EIF3C: variants seen among roughly 807,000 people sequenced by gnomAD.
EIF3C encodes cell migration-inducing protein 17.
Under a neutral mutation model 11.1 loss-of-function variants are expected in EIF3C, and 2 were observed. The observed-to-expected ratio is 0.18, with a 90% CI of 0.07 to 0.57. EIF3C has a LOEUF of 0.57. EIF3C is among the 20% of genes least tolerant of loss of function. EIF3C has a pLI of 0.92. For synonymous variants in EIF3C, 2 were observed against 41.5 expected (o/e 0.05, Z 3.66); for missense variants, 16 against 114.6 (o/e 0.14, Z 3.93).
intron 15 of EIF3C, among the ~76,000 whole-genome samples, chr16:28,729,862 A>G (rs1302966592): frequency 1.3e-5 from 2 of 150,238 alleles, no homozygotes; most frequent in African/African-American, 4.9e-5. Context: ...CAGGAGGCTG[A>G]GGTAGGAGGA....
intron 15 of EIF3C, chr16:28,727,529 CA>C (rs1374557048): frequency 5.1e-4 from 26 of 50,574 alleles, no homozygotes; most frequent in Admixed American, 9.6e-4. Flanking sequence ...CAAGACTGTT[CA>C]AAAAAAAAAA....
At position 28,689,507 on chromosome 16, in the gene EIF3C, T is replaced by TG. The variant is rs1406252024; in HGVS notation, c.-31+680dup. ...TGTGGCATCGAGTTAATCAGACTGTTGCCTACAGCTTGTCTTTATAAAGTA... is the reference window on the plus strand; with the variant it reads ...TGTGGCATCGAGTTAATCAGACTGTTGGCCTACAGCTTGTCTTTATAAAGTA... On this transcript the variant is annotated intron_variant, in intron 1 of 20. Coordinates refer to the EIF3C transcript ENST00000566501. 4.4e-5 allele frequency among the ~76,000 whole-genome samples: 2 copies of TG among 45,922 alleles called. 1 individual carries two copies. The highest frequency in any genetic ancestry group is 3.5e-4 in the African/African-American group (2 of 5,784). The allele number at this position is 45,922 out of a possible 152,430, so 30.1% of individuals were successfully genotyped here.
Position 28,689,438 on chromosome 16 carries a change from G to A in EIF3C, c.-31+610G>A, listed in dbSNP as rs2048211171. On this transcript the variant is annotated intron_variant, in intron 1 of 20. Coordinates refer to the EIF3C transcript ENST00000566501. ...GCCCTTGGGTTTGAGCTTTGTCTGAGCTCCAAGGGAATGGGAACTGGACGT... is the reference window on the plus strand; with the variant it reads ...GCCCTTGGGTTTGAGCTTTGTCTGAACTCCAAGGGAATGGGAACTGGACGT... 4.0e-5 allele frequency among the ~76,000 whole-genome samples: 2 copies of A among 49,584 alleles called. 1 individual carries two copies. The highest frequency in any genetic ancestry group is 7.2e-5 in the Non-Finnish European group (2 of 27,904). 32.5% of individuals were successfully genotyped at this position (49,584 alleles called of 152,430 possible). A position where few individuals can be genotyped will look rare whatever the true frequency, so the allele number is the denominator to read the frequency against.
intron 1 of EIF3C, among the ~76,000 whole-genome samples, chr16:28,694,365 A>AT (rs2048231816): frequency 1.9e-5 from 1 of 54,016 alleles, no homozygotes; most frequent in African/African-American, 8.2e-5. Context: ...CATCTCAAAA[A>AT]GAAAAAAAGA....
At chr16:28,692,147 AT>A (rs1315043116) in intron 1 of EIF3C, among the ~76,000 whole-genome samples, 2 of 24,212 alleles carry the variant, frequency 8.3e-5, no homozygotes, top group Non-Finnish European at 1.4e-4. Flanking sequence ...CTGAGATTGA[AT>A]TTTTTTTTCT....
chr16:28,689,162 G>C (rs1299323289), intron 1 of EIF3C, among the ~76,000 whole-genome samples: 1 of 43,818 alleles, frequency 2.3e-5, no homozygotes, highest in Non-Finnish European at 3.9e-5. Context: ...GCCTGCCTCA[G>C]CCTCCCAAAG....
chr16:28,698,244 C>T (rs540139058), intron 1 of EIF3C, among the ~76,000 whole-genome samples: 3,238 of 114,052 alleles, frequency 0.028, 127 homozygotes, highest in African/African-American at 0.13. Flanking sequence ...GGCGGCTGGC[C>T]GGGTGGGGGG....
intron 1 of EIF3C, among the ~76,000 whole-genome samples, chr16:28,698,270 T>C: frequency 8.9e-6 from 1 of 112,836 alleles, no homozygotes; most frequent in Non-Finnish European, 1.9e-5. Context: ...CCCCCCCATC[T>C]CCCTCCCGGA....
At chr16:28,718,614 G>GT (rs576228155) in intron 8 of EIF3C, among the ~76,000 whole-genome samples, 8,109 of 45,332 alleles carry the variant, frequency 0.18, 415 homozygotes, top group Non-Finnish European at 0.21. Context: ...CTTGTTTAAA[G>GT]TTTTTTTTTT....
intron 1 of EIF3C, among the ~76,000 whole-genome samples, chr16:28,699,476 CGGAGACG>C (rs2048268248): frequency 1.2e-5 from 1 of 86,594 alleles, no homozygotes; most frequent in Non-Finnish European, 2.1e-5. Context: ...GAGACGGAGA[CGGAGACG>C]GAGAGGGAGA....
chr16:28,712,747 C>G (rs536615672), intron 2 of EIF3C, among the ~76,000 whole-genome samples: 89 of 150,088 alleles, frequency 5.9e-4, no homozygotes, highest in African/African-American at 2.1e-3. Flanking sequence ...GTGGCTCAAG[C>G]CGGTAATCCC....
intron 1 of EIF3C, among the ~76,000 whole-genome samples, chr16:28,698,619 A>T (rs540885290): frequency 9.7e-3 from 306 of 31,432 alleles, no homozygotes; most frequent in East Asian, 0.02. Context: ...GGGCGGAGAC[A>T]CTCCTCACTT....
At chr16:28,697,685 G>A (rs1171022314) in intron 1 of EIF3C, among the ~76,000 whole-genome samples, 2 of 84,782 alleles carry the variant, frequency 2.4e-5, no homozygotes, top group Non-Finnish European at 4.1e-5. Context: ...ATCCTGGCCC[G>A]TTCTCAATGA....
chr16:28,729,958 A>G (rs1461006804), intron 15 of EIF3C, among the ~76,000 whole-genome samples: 2 of 149,742 alleles, frequency 1.3e-5, no homozygotes, highest in East Asian at 3.9e-4. Context: ...GACTGTCTCA[A>G]AAAGAAAAGA....
intron 1 of EIF3C, among the ~76,000 whole-genome samples, chr16:28,697,864 G>T (rs1302610184): frequency 1.2e-5 from 1 of 83,402 alleles, no homozygotes; most frequent in East Asian, 4.7e-4. Context: ...CTGGCCGGGC[G>T]GGGGGCTGAC....
At chr16:28,733,120 G>C (rs2048465013) in intron 16 of EIF3C, among the ~76,000 whole-genome samples, 1 of 31,072 alleles carries the variant, frequency 3.2e-5, no homozygotes, top group Non-Finnish European at 5.9e-5. Flanking sequence ...GAGCCTCACT[G>C]TTGCCCAGAC....
chr16:28,728,521 G>GTGT lies in EIF3C; in HGVS notation c.1818+1276_1818+1277insTGT, dbSNP rs1555491255. Among the ~76,000 whole-genome samples, 174 of 86,718 alleles carry GTGT rather than the reference G, an allele frequency of 2.0e-3. 1 individual carries two copies. Among genetic ancestry groups the GTGT allele is most frequent in the Non-Finnish European group, 3.7e-3 (127 of 34,216 alleles). 56.9% of individuals were successfully genotyped at this position (86,718 alleles called of 152,430 possible). A position where few individuals can be genotyped will look rare whatever the true frequency, so the allele number is the denominator to read the frequency against. On this transcript the variant is annotated intron_variant, in intron 15 of 20. Coordinates refer to ENST00000331666, the MANE Select transcript of EIF3C (RefSeq NM_003752.5). ...GGTGTGTGTGTGTGTATCTTTTAGGGGTGTGTGTGTGTGTGTGTGTGTGTG... is the reference window on the plus strand; with the variant it reads ...GGTGTGTGTGTGTGTATCTTTTAGGGTGTGTGTGTGTGTGTGTGTGTGTGTGTG...
intron 1 of EIF3C, among the ~76,000 whole-genome samples, chr16:28,697,131 ATT>A (rs546075666): frequency 6.4e-4 from 8 of 12,540 alleles, no homozygotes; most frequent in Non-Finnish European, 9.9e-4. Context: ...CGCCTGGCTA[ATT>A]TTTTTTTTTT....
intron 15 of EIF3C, among the ~76,000 whole-genome samples, chr16:28,729,858 G>A (rs1314330817): frequency 6.7e-6 from 1 of 150,188 alleles, no homozygotes; most frequent in Non-Finnish European, 1.5e-5. Context: ...TACTCAGGAG[G>A]CTGAGGTAGG....
Sources: allele counts gnomAD v4.1 joint callset (sites outside exome capture counted in the v4.1 genomes callset), GRCh38; gene constraint gnomAD v4.1.1; transcripts MANE v1.5; gene names NCBI Gene and HGNC (gene_info 2026-07-23, HGNC 2026-07-21).